The following SETD1B variants were observed in gnomAD, a reference collection of about 807,000 sequenced individuals.
SETD1B encodes the protein SET domain containing 1B, histone lysine methyltransferase, also known as histone-lysine N-methyltransferase SETD1B.
In SETD1B, 7 loss-of-function variants were observed where a neutral mutation model predicts 148.0. The ratio of observed to expected loss-of-function variants is 0.05; its 90% CI spans 0.03 to 0.09. The LOEUF is 0.09. Ranked by LOEUF, SETD1B falls within the 10% of genes least tolerant of loss-of-function variation. The probability of loss-of-function intolerance (pLI) is 1.00; values close to 1 mark genes in which losing one functional copy is unlikely to be tolerated. For missense variants in SETD1B, 2,155 were observed against 2,729.9 expected, an observed-to-expected ratio of 0.79 and a Z score of 4.69; for synonymous variants, 1,361 against 1,186.5, an observed-to-expected ratio of 1.15 and a Z score of -3.02.
At chr12:121,793,340 C>G in the SETD1B span, 1 of 1,429,138 alleles carries the variant, frequency 7.0e-7, no homozygotes, top group Non-Finnish European at 9.6e-7. Flanking sequence ...CGGATCAGCC[C>G]CCCCTCACCC....
chr12:121,795,086 C>T, the SETD1B span, among the ~76,000 whole-genome samples: 1 of 152,204 alleles, frequency 6.6e-6, no homozygotes, highest in South Asian at 2.1e-4. Flanking sequence ...GCAAGCAAGG[C>T]ACGGTCTGAC....
At chr12:121,792,132 C>T in the SETD1B span, among the ~76,000 whole-genome samples, 2 of 133,082 alleles carry the variant, frequency 1.5e-5, no homozygotes, top group African/African-American at 3.3e-5. Flanking sequence ...AGCCCCTTTT[C>T]GGGTCCTCTC....
intron 6 of SETD1B, among the ~76,000 whole-genome samples, chr12:121,812,980 C>A (rs1876113094): frequency 6.6e-6 from 1 of 152,074 alleles, no homozygotes; most frequent in African/African-American, 2.4e-5. Flanking sequence ...GTCCCCCCAC[C>A]CCAAGTCCAG....
At position 121,823,218 on chromosome 12, in the gene SETD1B, A is replaced by G; in HGVS notation, c.4639A>G (p.Arg1547Gly). The change falls in exon 12 of 17, where the codon AGG becomes GGG. Residue 1547 changes from arginine (R) to glycine (G), a missense_variant. Arg to Gly is a moderately radical substitution (Grantham distance 125). Around this residue, in one of 11 missense-constraint regions of SETD1B, gnomAD observed 862 missense variants for 873.8 expected, o/e 0.99. Transcript: ENST00000604567. ...ACCACCAGCAGGGGCCGCCCTTGGAAGGGAACTCCTGCTCCTGCCGGGCCA... is the reference window on the plus strand; with the variant it reads ...ACCACCAGCAGGGGCCGCCCTTGGAGGGGAACTCCTGCTCCTGCCGGGCCA... The part of the protein sequence containing the change: ...VRPPAGAALG[R>G]ELLLLPGQPQ... 3 of 1,549,456 alleles carry G rather than the reference A, an allele frequency of 1.9e-6. No individual in the cohort carries two copies. Among genetic ancestry groups the G allele is most frequent in the Non-Finnish European group, 2.6e-6 (3 of 1,146,816 alleles).
In SETD1B at chr12:121,808,121, A is replaced by C. The variant is rs1875838306; in HGVS notation, c.545-87A>C. 9.4e-7 allele frequency: 1 copy of C among 1,069,408 alleles called. No homozygotes were observed. The highest frequency in any genetic ancestry group is 1.6e-5 in the African/African-American group (1 of 63,540). 66.2% of individuals were successfully genotyped at this position (1,069,408 alleles called of 1,614,324 possible). A position where few individuals can be genotyped will look rare whatever the true frequency, so the allele number is the denominator to read the frequency against. On this transcript the variant is annotated intron_variant, in intron 4 of 16. Transcript: ENST00000604567. The surrounding 1 kb of genome is among the most constrained non-coding windows in gnomAD (Gnocchi z 5.3). ...CTGGGGTCTCGGGCACAAGGGACCC[A>C]CCAGGGTGCCACACAGGTTGGAATC...
intron 16 of SETD1B, 104 bp from the exon 17 acceptor site, chr12:121,829,962 G>T (rs2137593817): frequency 7.5e-6 from 8 of 1,070,802 alleles, no homozygotes; most frequent in Non-Finnish European, 1.1e-5. Context: ...GGGTCACGTG[G>T]CATGTCAGGC....
rs751793955 is a variant in SETD1B, at chr12:121,823,370, A to T, written c.4791A>T (p.Pro1597=). 2.1e-6 allele frequency: 1 copy of T among 473,938 alleles called. No homozygotes were observed. Among genetic ancestry groups the T allele is most frequent in the Non-Finnish European group, 2.6e-6 (1 of 379,810 alleles). The allele number at this position is 473,938 out of a possible 1,614,324, so 29.4% of individuals were successfully genotyped here. ...PPQPPPPPPP[P]PVEPTKLPFK... ...AGCCACCCCCACCCCCACCTCCCCC[A>T]CCTGTAGAGCCCACCAAGCTGCCCT... Residue 1597 remains proline, a synonymous_variant, in exon 12 of 17, where the codon CCA becomes CCT. Coordinates refer to ENST00000604567, the MANE Select transcript of SETD1B (RefSeq NM_001353345.2).
the SETD1B span, chr12:121,797,771 C>A: frequency 2.8e-6 from 1 of 356,130 alleles, no homozygotes. Context: ...AACGTGAGAG[C>A]AACGGGGTTC....
upstream of SETD1B, chr12:121,801,032 G>C (rs746139280): frequency 6.6e-6 from 1 of 152,264 alleles, no homozygotes; most frequent in Admixed American, 6.5e-5. Flanking sequence ...GTGTTTGGGA[G>C]GAGGAGCGAG....
chr12:121,813,346 G>T (rs140851969), intron 6 of SETD1B, among the ~76,000 whole-genome samples: 1 of 152,304 alleles, frequency 6.6e-6, no homozygotes, highest in East Asian at 1.9e-4. Context: ...CTGTTTATGG[G>T]CCTTAGTGCT....
In SETD1B at chr12:121,830,472, A is replaced by C; in HGVS notation, c.*233A>C. The C allele has an allele frequency of 2.3e-6, 1 of 433,438 alleles. No homozygotes were observed. The allele number at this position is 433,438 out of a possible 1,614,324, so 26.8% of individuals were successfully genotyped here. On this transcript the variant is annotated 3_prime_UTR_variant, in exon 17 of 17. Transcript: ENST00000604567. This position sits in a 1 kb window ranked among gnomAD's most constrained non-coding sequence, Gnocchi z 5.7. ...GCCCACGTCTCTCTCATTTTAACAA[A>C]CGCCCCTTTCAGGATTTCTGTTTAA... is the stretch of plus-strand genomic sequence containing the variant.
At chr12:121,793,618 C>G in the SETD1B span, 1 of 1,545,218 alleles carries the variant, frequency 6.5e-7, no homozygotes, top group Non-Finnish European at 8.7e-7. Flanking sequence ...TGGGCCAGGG[C>G]CCCGGGGGCA....
chr12:121,815,359 G>A (rs371483616), intron 7 of SETD1B, among the ~76,000 whole-genome samples: 1 of 152,074 alleles, frequency 6.6e-6, no homozygotes, highest in African/African-American at 2.4e-5. Flanking sequence ...GGGAGCCACA[G>A]GTGCCTAGTG....
Position 121,805,139 on chromosome 12 carries a change from G to C in SETD1B, c.196G>C (p.Glu66Gln). 1 of 1,551,720 alleles carries C rather than the reference G, an allele frequency of 6.4e-7. No individual in the cohort carries two copies. ...SLAMSSNRPV[E>Q]IVEDPRVVGI... ...ACAGATGTCCAGCAACCGCCCGGTG[G>C]AAATTGTCGAAGATCCCCGGGTCGT... Residue 66 changes from glutamate (E) to glutamine (Q), a missense_variant, in exon 3 of 17, where the codon GAA becomes CAA. Around this residue, in one of 11 missense-constraint regions of SETD1B, gnomAD observed 124 missense variants for 282.9 expected, o/e 0.44. Coordinates refer to ENST00000604567, the MANE Select transcript of SETD1B (RefSeq NM_001353345.2). The surrounding 1 kb of genome is among the most constrained non-coding windows in gnomAD (Gnocchi z 4.2).
the SETD1B span, among the ~76,000 whole-genome samples, chr12:121,798,970 C>T: frequency 6.6e-6 from 1 of 152,236 alleles, no homozygotes; most frequent in African/African-American, 2.4e-5. Flanking sequence ...TGTTACCAGG[C>T]TAGGGGCTGG....
rs1260631860 is a variant in SETD1B at position 121,825,345 on chromosome 12, T to A, written c.5316T>A (p.Asp1772Glu). 6.4e-7 allele frequency: 1 copy of A among 1,550,672 alleles called. No homozygotes were observed. The part of the protein sequence containing the change: ...RYLNSSRAST[D>E]EPPADTQGMS... Reference sequence around the variant, plus strand: ...TCAACAGCAGCCGTGCCAGCACCGATGAGCCCCCCGCAGACACCCAGGTAC... The same window carrying A: ...TCAACAGCAGCCGTGCCAGCACCGAAGAGCCCCCCGCAGACACCCAGGTAC... Residue 1772 changes from aspartate (D) to glutamate (E), a missense_variant, in exon 13 of 17, where the codon GAT becomes GAA. Asp to Glu is a conservative substitution (Grantham distance 45, BLOSUM62 2). This residue lies in a region of SETD1B where 96 missense variants were observed against 148.7 expected (regional missense o/e 0.65). Transcript: ENST00000604567.
chr12:121,795,548 G>C, the SETD1B span: 7 of 152,452 alleles, frequency 4.6e-5, no homozygotes, highest in East Asian at 1.4e-3. Flanking sequence ...CAAGGTAACC[G>C]GGGTCAGATC....
intron 13 of SETD1B, among the ~76,000 whole-genome samples, chr12:121,827,178 G>A (rs1273855487): frequency 6.6e-6 from 1 of 152,122 alleles, no homozygotes; most frequent in Non-Finnish European, 1.5e-5. Flanking sequence ...TGACACAAGG[G>A]TTTCGGAAGG....
the SETD1B span, chr12:121,797,652 G>T: frequency 4.4e-6 from 2 of 455,434 alleles, no homozygotes; most frequent in East Asian, 1.4e-4. Flanking sequence ...CTGGGAGGGA[G>T]ACGTACATCA....
Sources: allele counts gnomAD v4.1 joint callset (sites outside exome capture counted in the v4.1 genomes callset), GRCh38; gene constraint gnomAD v4.1.1; regional missense constraint gnomAD v4.1.1; non-coding constraint Gnocchi (gnomAD v3.1); transcripts MANE v1.5; gene names NCBI Gene and HGNC (gene_info 2026-07-23, HGNC 2026-07-21).